The following STARD13 variants were observed in gnomAD, a reference collection of about 807,000 sequenced individuals.
STARD13 encodes the protein StAR related lipid transfer domain containing 13.
In STARD13, 62 loss-of-function variants were observed where a neutral mutation model predicts 106.4. That is an observed-to-expected ratio of 0.58 (90% CI 0.48 to 0.72). STARD13 has a LOEUF of 0.72. Among genes scored for constraint, STARD13 ranks in the 30% least tolerant of loss-of-function variants. The pLI is 0.00. For synonymous variants in STARD13, 565 were observed against 553.0 expected, an observed-to-expected ratio of 1.02 and a Z score of -0.31; for missense variants, 1,387 against 1,424.0, an observed-to-expected ratio of 0.97 and a Z score of 0.42.
intron 3 of STARD13, among the ~76,000 whole-genome samples, chr13:33,160,398 T>C (rs1348559025): frequency 6.6e-6 from 1 of 152,162 alleles, no homozygotes; most frequent in Non-Finnish European, 1.5e-5. Context: ...CAAATATTTC[T>C]TAGATATGAC....
chr13:33,662,478 C>G, the STARD13 span, among the ~76,000 whole-genome samples: 5 of 152,278 alleles, frequency 3.3e-5, no homozygotes, highest in South Asian at 1.0e-3. Context: ...CCCAAACAGC[C>G]TTGTTGGAGG....
chr13:33,171,068 T>A (rs1246241948), intron 1 of STARD13, among the ~76,000 whole-genome samples: 1 of 152,232 alleles, frequency 6.6e-6, no homozygotes, highest in Non-Finnish European at 1.5e-5. Context: ...AAGATCTACC[T>A]AATGAGATTT....
chr13:33,162,915 C>A (rs1882800719), intron 3 of STARD13, among the ~76,000 whole-genome samples: 1 of 152,112 alleles, frequency 6.6e-6, no homozygotes, highest in African/African-American at 2.4e-5. Flanking sequence ...AGAAACACCC[C>A]ACTCTCGGTA....
the STARD13 span, among the ~76,000 whole-genome samples, chr13:33,469,486 G>A: frequency 2.0e-5 from 3 of 152,042 alleles, no homozygotes; most frequent in Admixed American, 2.0e-4. Flanking sequence ...TCTGAGTATT[G>A]GCAGAAATAA....
chr13:33,531,082 T>A, the STARD13 span, among the ~76,000 whole-genome samples: 1 of 152,152 alleles, frequency 6.6e-6, no homozygotes, highest in South Asian at 2.1e-4. Context: ...GTGCTATTCC[T>A]GTAATAGTGA....
At chr13:33,132,660 G>C (rs1486778614) in intron 4 of STARD13, among the ~76,000 whole-genome samples, 3 of 152,162 alleles carry the variant, frequency 2.0e-5, no homozygotes, top group South Asian at 2.1e-4. Context: ...AGTCTAGCCT[G>C]GGCAACATAT....
At chr13:33,653,634 T>C in the STARD13 span, among the ~76,000 whole-genome samples, 13 of 150,836 alleles carry the variant, frequency 8.6e-5, no homozygotes, top group Non-Finnish European at 7.4e-5. Flanking sequence ...GTTTCTTAGA[T>C]ATGACACCAA....
the STARD13 span, among the ~76,000 whole-genome samples, chr13:33,542,698 G>C: frequency 2.0e-5 from 3 of 152,240 alleles, no homozygotes; most frequent in Admixed American, 1.3e-4. Flanking sequence ...GAACCCTCCA[G>C]AAGTCTTAAT....
At chr13:33,632,890 T>C in the STARD13 span, among the ~76,000 whole-genome samples, 1 of 152,050 alleles carries the variant, frequency 6.6e-6, no homozygotes, top group African/African-American at 2.4e-5. Context: ...TGATCATTCA[T>C]GGAACTGAAT....
chr13:33,173,210 T>C (rs984245719), intron 1 of STARD13, among the ~76,000 whole-genome samples: 1 of 152,222 alleles, frequency 6.6e-6, no homozygotes, highest in Non-Finnish European at 1.5e-5. Context: ...ATAATTTATA[T>C]GGCTAAGGTA....
intron 1 of STARD13, among the ~76,000 whole-genome samples, chr13:33,299,940 T>G (rs748051427): frequency 2.0e-5 from 3 of 152,172 alleles, no homozygotes; most frequent in Non-Finnish European, 2.9e-5. Context: ...ATATGTTGGG[T>G]GTATATTCAC....
the STARD13 span, among the ~76,000 whole-genome samples, chr13:33,375,619 G>A: frequency 6.4e-4 from 98 of 152,236 alleles, no homozygotes; most frequent in African/African-American, 2.0e-3. Flanking sequence ...GCAAGGAGAA[G>A]TGCTGAGCAA....
At chr13:33,117,746 A>G (rs1875602582) in intron 8 of STARD13, 1 of 928,408 alleles carries the variant, frequency 1.1e-6, no homozygotes, top group Non-Finnish European at 1.3e-6. Flanking sequence ...ACCTATATAT[A>G]AAACAACTTC....
chr13:33,246,279 C>T (rs1889818844), intron 1 of STARD13, among the ~76,000 whole-genome samples: 1 of 152,156 alleles, frequency 6.6e-6, no homozygotes, highest in Admixed American at 6.5e-5. Context: ...TGTTGCTTCA[C>T]AAAAGAGGAA....
chr13:33,642,452 G>T, the STARD13 span, among the ~76,000 whole-genome samples: 1 of 152,218 alleles, frequency 6.6e-6, no homozygotes, highest in Non-Finnish European at 1.5e-5. Context: ...AACACAGGAC[G>T]GCTGTGGGTC....
chr13:33,528,958 C>T, the STARD13 span, among the ~76,000 whole-genome samples: 1 of 152,096 alleles, frequency 6.6e-6, no homozygotes, highest in African/African-American at 2.4e-5. Context: ...AATGCCTCTG[C>T]CATCTCATTG....
At chr13:33,580,348 C>A in the STARD13 span, among the ~76,000 whole-genome samples, 1 of 152,096 alleles carries the variant, frequency 6.6e-6, no homozygotes, top group African/African-American at 2.4e-5. Flanking sequence ...AAAAGGCACT[C>A]TTATGGAGAT....
the STARD13 span, among the ~76,000 whole-genome samples, chr13:33,638,857 G>A: frequency 6.6e-6 from 1 of 151,990 alleles, no homozygotes; most frequent in Non-Finnish European, 1.5e-5. Flanking sequence ...TAATTTTTTT[G>A]TTCAAAGCTG....
chr13:33,145,187 C>G (rs965027119), intron 3 of STARD13, among the ~76,000 whole-genome samples: 1 of 152,156 alleles, frequency 6.6e-6, no homozygotes, highest in African/African-American at 2.4e-5. Flanking sequence ...AGTAACAAGT[C>G]AAACAACCTG....
Sources: allele counts gnomAD v4.1 joint callset (sites outside exome capture counted in the v4.1 genomes callset), GRCh38; gene constraint gnomAD v4.1.1; transcripts MANE v1.5; gene names NCBI Gene and HGNC (gene_info 2026-07-23, HGNC 2026-07-21).